KCNT2: variants seen among roughly 807,000 people sequenced by gnomAD.
KCNT2 encodes potassium sodium-activated channel subfamily T member 2, also known as potassium channel subfamily T member 2.
A neutral mutation model predicts 153.8 loss-of-function variants in KCNT2; 67 were observed. The ratio of observed to expected loss-of-function variants is 0.44; its 90% CI spans 0.36 to 0.53. The LOEUF is 0.53. KCNT2 is among the 20% of genes least tolerant of loss of function. The probability of loss-of-function intolerance (pLI) is 0.00; values close to 1 mark genes in which losing one functional copy is unlikely to be tolerated. For missense variants in KCNT2, 975 were observed against 1,354.8 expected (o/e 0.72, Z 4.40); for synonymous variants, 500 against 458.8 (o/e 1.09, Z -1.15).
Position 196,255,226 on chromosome 1 carries a change from C to T in KCNT2, c.3211+2968G>A, listed in dbSNP as rs139832034. ...CAATAGAGTTTATAGATTAAAAAAT[C>T]TTTTCACTTGCATTCTATTATTTGA... On this transcript the variant is annotated intron_variant, in intron 26 of 27. Transcript: ENST00000294725. Among the ~76,000 whole-genome samples, 16 of 151,762 alleles carry T rather than the reference C, an allele frequency of 1.1e-4. No individual in the cohort carries two copies. In the East Asian group the frequency reaches 3.1e-3, roughly 29 times the overall value.
At chr1:196,251,098 A>G (rs761397426) in intron 26 of KCNT2, among the ~76,000 whole-genome samples, 2 of 152,070 alleles carry the variant, frequency 1.3e-5, no homozygotes, top group Non-Finnish European at 1.5e-5. Context: ...TAACTACCAT[A>G]TGATCCAGCA....
At chr1:196,488,917 T>G (rs1027463123) in intron 3 of KCNT2, among the ~76,000 whole-genome samples, 2 of 151,954 alleles carry the variant, frequency 1.3e-5, no homozygotes, top group Non-Finnish European at 2.9e-5. Flanking sequence ...GAGAAGTATG[T>G]GGGAGAGCAC....
intron 14 of KCNT2, among the ~76,000 whole-genome samples, chr1:196,354,959 A>G (rs1667049177): frequency 6.6e-6 from 1 of 151,772 alleles, no homozygotes; most frequent in African/African-American, 2.4e-5. Context: ...AGGAATCCAC[A>G]GTTTAGCCAC....
rs1381989608 is a variant in KCNT2 at position 196,369,713 on chromosome 1, T to C, written c.1403+3427A>G. ...GTGTATATGTGCCACATTTTCTTAA[T>C]CCAGTCTATCATTGTTGGACATTTG... On this transcript the variant is annotated intron_variant, in intron 14 of 27. Transcript: ENST00000294725. Among the ~76,000 whole-genome samples the C allele has an allele frequency of 7.9e-5, 12 of 152,298 alleles. No individual in the cohort carries two copies. In the East Asian group the frequency reaches 2.3e-3, roughly 29 times the overall value.
At chr1:196,564,228 C>G (rs1659796453) in intron 1 of KCNT2, among the ~76,000 whole-genome samples, 1 of 151,370 alleles carries the variant, frequency 6.6e-6, no homozygotes, top group South Asian at 2.1e-4. Context: ...TAACAAGAAA[C>G]TATCTGAAAA....
At chr1:196,431,556 A>G (rs548626389) in intron 8 of KCNT2, among the ~76,000 whole-genome samples, 1 of 152,234 alleles carries the variant, frequency 6.6e-6, no homozygotes, top group South Asian at 2.1e-4. Flanking sequence ...TGGAAACTGG[A>G]GGAAAAGGCA....
chr1:196,487,760 A>T (rs1254052282), intron 3 of KCNT2, among the ~76,000 whole-genome samples: 1 of 152,006 alleles, frequency 6.6e-6, no homozygotes, highest in East Asian at 1.9e-4. Context: ...TCACTTAAAC[A>T]CACCATTTGC....
chr1:196,478,815 AATAAG>A (rs984772926), intron 5 of KCNT2, among the ~76,000 whole-genome samples: 71 of 152,336 alleles, frequency 4.7e-4, no homozygotes, highest in African/African-American at 1.7e-3. Context: ...TTTATCAAAA[AATAAG>A]ATAATTTATT....
intron 1 of KCNT2, among the ~76,000 whole-genome samples, chr1:196,496,590 A>G (rs1680277359): frequency 6.6e-6 from 1 of 152,208 alleles, no homozygotes; most frequent in Admixed American, 6.5e-5. Context: ...ATAAAAACCA[A>G]AATACTTTTG....
At chr1:196,515,153 C>T (rs1043663877) in intron 1 of KCNT2, among the ~76,000 whole-genome samples, 6 of 152,190 alleles carry the variant, frequency 3.9e-5, no homozygotes, top group Non-Finnish European at 5.9e-5. Flanking sequence ...CTGTTGTAAG[C>T]GATTTCCAGC....
chr1:196,339,132 C>T (rs7527779), intron 16 of KCNT2, among the ~76,000 whole-genome samples: 29,167 of 151,546 alleles, frequency 0.19, 3,639 homozygotes, highest in African/African-American at 0.35. Context: ...ATGCTTTAGA[C>T]AGAGGAATAA....
chr1:196,357,533 A>G (rs1288915322), intron 14 of KCNT2, among the ~76,000 whole-genome samples: 2 of 151,874 alleles, frequency 1.3e-5, no homozygotes, highest in Non-Finnish European at 2.9e-5. Flanking sequence ...TTTCAGTGGT[A>G]AATTTTAGGA....
chr1:196,424,636 G>T (rs1462166062), intron 11 of KCNT2, among the ~76,000 whole-genome samples: 1 of 150,944 alleles, frequency 6.6e-6, no homozygotes, highest in Non-Finnish European at 1.5e-5. Flanking sequence ...TTTCCAATTA[G>T]ATAACACTCA....
At chr1:196,335,654 T>G (rs1338818800) in intron 16 of KCNT2, among the ~76,000 whole-genome samples, 1 of 152,164 alleles carries the variant, frequency 6.6e-6, no homozygotes, top group East Asian at 1.9e-4. Flanking sequence ...CCAAGCTTCT[T>G]CCTCATTATA....
At position 196,227,970 on chromosome 1, in the gene KCNT2, T is replaced by C; in HGVS notation, c.*254A>G. ...TTTGGATTATTATAAAACAATTAAA[T>C]GTCAGATTTAAATTTTTGTATTTTA... is the stretch of plus-strand genomic sequence containing the variant. On this transcript the variant is annotated 3_prime_UTR_variant, in exon 28 of 28. Transcript: ENST00000294725. 3.4e-6 allele frequency: 1 copy of C among 297,864 alleles called. No homozygotes were observed. The highest frequency in any genetic ancestry group is 6.1e-6 in the Non-Finnish European group (1 of 162,774). 18.5% of individuals were successfully genotyped at this position (297,864 alleles called of 1,614,324 possible).
intron 1 of KCNT2, among the ~76,000 whole-genome samples, chr1:196,560,568 G>A (rs1659243339): frequency 6.6e-6 from 1 of 151,742 alleles, no homozygotes; most frequent in South Asian, 2.1e-4. Flanking sequence ...CCATCTCTTT[G>A]AAATATAAAG....
At chr1:196,444,043 G>C (rs1401872777) in intron 8 of KCNT2, among the ~76,000 whole-genome samples, 1 of 151,176 alleles carries the variant, frequency 6.6e-6, no homozygotes, top group Non-Finnish European at 1.5e-5. Context: ...GATCCCTGAG[G>C]AACTACATCA....
chr1:196,421,875 T>C (rs757783623), intron 12 of KCNT2, among the ~76,000 whole-genome samples: 5 of 152,052 alleles, frequency 3.3e-5, no homozygotes, highest in Non-Finnish European at 5.9e-5. Context: ...GCATGTATAT[T>C]GCCGTCTTCA....
chr1:196,469,904 T>C (rs182640613), intron 5 of KCNT2, among the ~76,000 whole-genome samples: 2 of 152,320 alleles, frequency 1.3e-5, no homozygotes, highest in East Asian at 3.9e-4. Flanking sequence ...TCTGCTATAC[T>C]GTAATCTCCA....
Sources: allele counts gnomAD v4.1 joint callset (sites outside exome capture counted in the v4.1 genomes callset), GRCh38; gene constraint gnomAD v4.1.1; transcripts MANE v1.5; gene names NCBI Gene and HGNC (gene_info 2026-07-23, HGNC 2026-07-21).